ME1: variants seen among roughly 807,000 people sequenced by gnomAD.
ME1 encodes NADP-dependent malic enzyme.
A neutral mutation model predicts 66.4 loss-of-function variants in ME1; 74 were observed. The ratio of observed to expected loss-of-function variants is 1.11; its 90% CI spans 0.92 to 1.35. ME1 has a LOEUF of 1.35. Ranked by LOEUF, ME1 falls within the 40% of genes most tolerant of loss-of-function variation. The pLI, the probability that ME1 is intolerant of heterozygous loss-of-function variation, is 0.00. For missense variants in ME1, 750 were observed against 694.1 expected (o/e 1.08, Z -0.90); for synonymous variants, 251 against 235.6 (o/e 1.07, Z -0.60).
At chr6:83,367,962 A>G (rs1332450718) in intron 3 of ME1, among the ~76,000 whole-genome samples, 1 of 152,122 alleles carries the variant, frequency 6.6e-6, no homozygotes, top group African/African-American at 2.4e-5. Context: ...ATTTTGTTTT[A>G]AACTGAGAGA....
chr6:83,348,707 C>T (rs1425653626), intron 4 of ME1, among the ~76,000 whole-genome samples: 2 of 150,716 alleles, frequency 1.3e-5, no homozygotes, highest in African/African-American at 4.9e-5. Context: ...AAAAGTGGGC[C>T]AATTGCAGTA....
intron 6 of ME1, among the ~76,000 whole-genome samples, chr6:83,310,546 G>A (rs561289350): frequency 1.3e-5 from 2 of 152,240 alleles, no homozygotes; most frequent in Non-Finnish European, 2.9e-5. Flanking sequence ...CTTTGGCACT[G>A]GTTAACTCAC....
At chr6:83,423,180 G>A (rs1770303528) in intron 1 of ME1, among the ~76,000 whole-genome samples, 1 of 146,806 alleles carries the variant, frequency 6.8e-6, no homozygotes, top group Non-Finnish European at 1.5e-5. Context: ...AGAAAGGGCG[G>A]GAGGAAGAGA....
chr6:83,398,346 A>G (rs4706990), intron 3 of ME1, 21 bp downstream of exon 3: 1 of 1,525,314 alleles, frequency 6.6e-7, no homozygotes, highest in South Asian at 1.3e-5. Flanking sequence ...CAAGTTGCAT[A>G]TAAAATAAAA....
chr6:83,239,686 A>C (rs1433696673), intron 7 of ME1, 50 bp from the exon 8 acceptor site: 6 of 1,303,832 alleles, frequency 4.6e-6, no homozygotes, highest in Non-Finnish European at 6.7e-6. Flanking sequence ...AGATCCTGCC[A>C]ATTTTCAAGC....
At chr6:83,303,369 T>C (rs1026449894) in intron 6 of ME1, among the ~76,000 whole-genome samples, 1 of 152,202 alleles carries the variant, frequency 6.6e-6, no homozygotes, top group African/African-American at 2.4e-5. Context: ...GTACAATTAA[T>C]ATGTAGCATA....
Position 83,292,672 on chromosome 6 carries a change from C to T in ME1, c.704+22638G>A, listed in dbSNP as rs368592943. Among the ~76,000 whole-genome samples the T allele has an allele frequency of 1.1e-4, 17 of 152,280 alleles. No individual in the cohort carries two copies. The East Asian group carries it at 2.5e-3, about 22-fold the overall frequency. ...TGTCTTCAGAGCTGTCAGGCAGGGA[C>T]GTTTAAGTCTGGAGAAGCTGTCTGC... On this transcript the variant is annotated intron_variant, in intron 6 of 13. Transcript: ENST00000369705.
At chr6:83,316,750 C>T (rs1248920909) in intron 5 of ME1, among the ~76,000 whole-genome samples, 3 of 151,658 alleles carry the variant, frequency 2.0e-5, no homozygotes, top group African/African-American at 7.3e-5. Context: ...TAAATATACA[C>T]AAATCAATTT....
At chr6:83,306,830 C>A (rs1457787193) in intron 6 of ME1, among the ~76,000 whole-genome samples, 3 of 151,868 alleles carry the variant, frequency 2.0e-5, no homozygotes, top group African/African-American at 7.3e-5. Flanking sequence ...AGCTTATATT[C>A]TAGTAAGGAA....
At chr6:83,351,975 T>TAC in intron 4 of ME1, 89 bp downstream of exon 4, 1 of 689,214 alleles carries the variant, frequency 1.5e-6, no homozygotes, top group South Asian at 2.3e-5. Flanking sequence ...TGCTACCTAT[T>TAC]ATCATGAGAA....
intron 6 of ME1, among the ~76,000 whole-genome samples, chr6:83,263,907 A>G (rs1341185720): frequency 1.3e-5 from 2 of 152,292 alleles, no homozygotes; most frequent in Non-Finnish European, 2.9e-5. Context: ...AGATCTACCT[A>G]AGCTCATAAA....
At chr6:83,425,907 C>T (rs527343866) in intron 1 of ME1, among the ~76,000 whole-genome samples, 1 of 116,304 alleles carries the variant, frequency 8.6e-6, no homozygotes, top group East Asian at 2.3e-4. Context: ...CCCAAAAGTC[C>T]ATGTGTTGTT....
intron 8 of ME1, among the ~76,000 whole-genome samples, chr6:83,238,547 T>C (rs1221576233): frequency 6.6e-6 from 1 of 152,042 alleles, no homozygotes; most frequent in Non-Finnish European, 1.5e-5. Flanking sequence ...ATCCGCAAAA[T>C]AGAGAACTCA....
intron 9 of ME1, among the ~76,000 whole-genome samples, chr6:83,237,283 G>GGAAA: frequency 4.3e-5 from 2 of 46,784 alleles, no homozygotes; most frequent in South Asian, 4.6e-4. Context: ...AAGAAAGGAA[G>GGAAA]GAAGGAAGGA....
intron 6 of ME1, among the ~76,000 whole-genome samples, chr6:83,263,271 A>T (rs764305345): frequency 7.9e-5 from 12 of 152,184 alleles, no homozygotes; most frequent in Non-Finnish European, 1.3e-4. Flanking sequence ...TCCCTGAGAC[A>T]CAACACTATT....
intron 7 of ME1, among the ~76,000 whole-genome samples, chr6:83,249,191 C>G (rs939799818): frequency 3.3e-5 from 5 of 151,908 alleles, no homozygotes; most frequent in Non-Finnish European, 7.4e-5. Context: ...AGCTGCCATA[C>G]TAAATACTTA....
In ME1 at chr6:83,211,887, G is replaced by A; in HGVS notation, c.*37C>T. On this transcript the variant is annotated 3_prime_UTR_variant, in exon 14 of 14. Coordinates refer to ENST00000369705, the MANE Select transcript of ME1 (RefSeq NM_002395.6). ...CTTTAAAAATTATGAAAGGTTTAAA[G>A]ACCTCATTAATAGAGTTAGAAATGT... 12 of 1,395,098 alleles carry A rather than the reference G, an allele frequency of 8.6e-6. No individual in the cohort carries two copies. Among genetic ancestry groups the A allele is most frequent in the Non-Finnish European group, 1.2e-5 (12 of 1,041,888 alleles). 86.4% of individuals were successfully genotyped at this position (1,395,098 alleles called of 1,614,324 possible). A position where few individuals can be genotyped will look rare whatever the true frequency, so the allele number is the denominator to read the frequency against.
intron 3 of ME1, among the ~76,000 whole-genome samples, chr6:83,397,604 C>A (rs1316239302): frequency 6.6e-6 from 1 of 152,054 alleles, no homozygotes; most frequent in Non-Finnish European, 1.5e-5. Context: ...ACCAAATGAT[C>A]TAGTAATAAC....
intron 3 of ME1, among the ~76,000 whole-genome samples, chr6:83,356,440 T>G (rs563840374): frequency 6.6e-6 from 1 of 152,102 alleles, no homozygotes; most frequent in South Asian, 2.1e-4. Flanking sequence ...GGTCTAAAGA[T>G]CAGGAAATAG....
Sources: allele counts gnomAD v4.1 joint callset (sites outside exome capture counted in the v4.1 genomes callset), GRCh38; gene constraint gnomAD v4.1.1; transcripts MANE v1.5; gene names NCBI Gene and HGNC (gene_info 2026-07-23, HGNC 2026-07-21).